FBXO7: variants seen among roughly 807,000 people sequenced by gnomAD.
FBXO7 encodes F-box only protein 7.
Under a neutral mutation model 50.2 loss-of-function variants are expected in FBXO7, and 31 were observed. The observed-to-expected ratio is 0.62, with a 90% CI of 0.46 to 0.83. FBXO7 has a LOEUF of 0.83. Ranked by LOEUF, FBXO7 falls within the 40% of genes least tolerant of loss-of-function variation. The pLI is 0.00. For missense variants in FBXO7, 667 were observed against 646.6 expected (o/e 1.03, Z -0.34); for synonymous variants, 256 against 253.1 (o/e 1.01, Z -0.11).
At chr22:32,484,683 GGGGA>G (rs1031130411) in intron 3 of FBXO7, among the ~76,000 whole-genome samples, 43 of 152,310 alleles carry the variant, frequency 2.8e-4, no homozygotes, top group Admixed American at 2.4e-3. Flanking sequence ...TAGAATGCTA[GGGGA>G]TGAAAGGAAA....
In FBXO7 at chr22:32,498,393, C is replaced by T. The variant is rs2146009439; in HGVS notation, c.1432C>T (p.Leu478=). The change falls in exon 9 of 9, where the codon CTG becomes TTG. Residue 478 remains leucine (L), a synonymous_variant. Coordinates refer to ENST00000266087, the MANE Select transcript of FBXO7 (RefSeq NM_012179.4). ...GGAGACGCCCAGCCAGTTTCCTCCACTGAGACCACGCTTTGATCCAGTTGG... is the reference window on the plus strand; with the variant it reads ...GGAGACGCCCAGCCAGTTTCCTCCATTGAGACCACGCTTTGATCCAGTTGG... The part of the protein sequence containing the change: ...PGETPSQFPP[L]RPRFDPVGPL... 1.2e-6 allele frequency: 2 copies of T among 1,614,224 alleles called. No individual in the cohort carries two copies. The highest frequency in any genetic ancestry group is 2.2e-5 in the South Asian group (2 of 91,088).
intron 7 of FBXO7, 118 bp from the exon 8 acceptor site, chr22:32,495,375 T>TC: frequency 1.6e-6 from 1 of 625,204 alleles, no homozygotes. Flanking sequence ...TTAGTTTTTT[T>TC]TTTTTTTTAT....
rs541127782 is a variant in FBXO7 at position 32,475,563 on chromosome 22, T to C, written c.122+439T>C. ...GTTAATTTCTTCAGCTGTTGGAGTATTTCAATGAAAAAGTTTGGAAATTGC... is the reference window on the plus strand; with the variant it reads ...GTTAATTTCTTCAGCTGTTGGAGTACTTCAATGAAAAAGTTTGGAAATTGC... On this transcript the variant is annotated intron_variant, in intron 1 of 8. Coordinates refer to ENST00000266087, the MANE Select transcript of FBXO7 (RefSeq NM_012179.4). 3.5e-5 allele frequency: 31 copies of C among 891,380 alleles called. No homozygotes were observed. In the East Asian group the frequency reaches 8.0e-4, roughly 23 times the overall value. 55.2% of individuals were successfully genotyped at this position (891,380 alleles called of 1,614,324 possible).
In FBXO7 at chr22:32,475,256, G is replaced by A. The variant is rs183220123; in HGVS notation, c.122+132G>A. ...GCGATAGGCCAAGTGCGGGGACGCC[G>A]GGGGGGCCTTCACGGGAGGCCCGGG... is the stretch of plus-strand genomic sequence containing the variant. On this transcript the variant is annotated intron_variant, in intron 1 of 8. Coordinates refer to ENST00000266087, the MANE Select transcript of FBXO7 (RefSeq NM_012179.4). 4,459 of 1,533,118 alleles carry A rather than the reference G, an allele frequency of 2.9e-3. 88 individuals are homozygous for A. The South Asian group carries it at 0.03, about 10-fold the overall frequency. The allele number at this position is 1,533,118 out of a possible 1,614,324, so 95.0% of individuals were successfully genotyped here.
At chr22:32,477,785 C>A (rs1261378960) in intron 1 of FBXO7, among the ~76,000 whole-genome samples, 1 of 152,192 alleles carries the variant, frequency 6.6e-6, no homozygotes, top group African/African-American at 2.4e-5. Flanking sequence ...TCTTGATCTT[C>A]CCAACTAGTG....
chr22:32,477,937 T>TA (rs2057439368), intron 1 of FBXO7: 1 of 152,132 alleles, frequency 6.6e-6, no homozygotes, highest in African/African-American at 2.4e-5. Flanking sequence ...GACAAGTAAA[T>TA]ACGATGTTTT....
intron 2 of FBXO7, among the ~76,000 whole-genome samples, chr22:32,481,357 G>C (rs2145990690): frequency 6.6e-6 from 1 of 152,286 alleles, no homozygotes; most frequent in Admixed American, 6.5e-5. Flanking sequence ...GGATGACTTA[G>C]TAGGGGCCAT....
chr22:32,487,771 A>G lies in FBXO7; in HGVS notation c.814A>G (p.Arg272Gly). ...TACACTAAAAATCAACAATGAGATT[A>G]GAAGTGTGAAAAGATTGCAGCTGCT... ...NATLKINNEI[R>G]SVKRLQLLPE... The change falls in exon 5 of 9, where the codon AGA becomes GGA. Residue 272 changes from arginine (R) to glycine (G), a missense_variant. Transcript: ENST00000266087. 11 of 1,608,794 alleles carry G rather than the reference A, an allele frequency of 6.8e-6. No individual in the cohort carries two copies. The highest frequency in any genetic ancestry group is 9.4e-6 in the Non-Finnish European group (11 of 1,175,686).
intron 2 of FBXO7, among the ~76,000 whole-genome samples, chr22:32,483,449 G>T (rs543043175): frequency 2.0e-5 from 3 of 152,190 alleles, no homozygotes; most frequent in Non-Finnish European, 4.4e-5. Context: ...GAAAATTCTG[G>T]CAGCAGGGAC....
chr22:32,498,217 C>A lies in FBXO7; in HGVS notation c.1256C>A (p.Thr419Asn). The stretch of plus-strand genomic sequence containing the variant: ...TTTGTGATGCTCCTGCCATCGTCAA[C>A]TCACACCATTCCATTCTATCCCAAC... ...GRFVMLLPSS[T>N]HTIPFYPNPL... The change falls in exon 9 of 9, where the codon ACT (threonine) becomes AAT (asparagine). Residue 419 changes from threonine (T) to asparagine (N), a missense_variant. Transcript: ENST00000266087. 1 of 1,614,210 alleles carries A rather than the reference C, an allele frequency of 6.2e-7. No individual in the cohort carries two copies. Among genetic ancestry groups the A allele is most frequent in the Non-Finnish European group, 8.5e-7 (1 of 1,180,028 alleles).
At chr22:32,497,737 T>G (rs1028966325) in intron 8 of FBXO7, among the ~76,000 whole-genome samples, 1 of 152,220 alleles carries the variant, frequency 6.6e-6, no homozygotes, top group Non-Finnish European at 1.5e-5. Context: ...ACTTCACTGT[T>G]GTATTATTTT....
intron 2 of FBXO7, 91 bp downstream of exon 2, chr22:32,479,366 C>G: frequency 1.8e-6 from 2 of 1,131,252 alleles, no homozygotes; most frequent in Non-Finnish European, 2.7e-6. Flanking sequence ...GGATAATTAT[C>G]ATCGATAGAT....
intron 5 of FBXO7, chr22:32,490,169 A>G (rs1402994297): frequency 6.6e-6 from 1 of 152,220 alleles, no homozygotes; most frequent in Admixed American, 6.5e-5. Context: ...TAAATTGCCT[A>G]CTGATACCCT....
Position 32,475,278 on chromosome 22 carries a change from C to T in FBXO7, c.122+154C>T, listed in dbSNP as rs558997063. 5.0e-6 allele frequency: 8 copies of T among 1,586,276 alleles called. No individual in the cohort carries two copies. In the African/African-American group the frequency reaches 5.5e-5, roughly 11 times the overall value. On this transcript the variant is annotated intron_variant, in intron 1 of 8. Coordinates refer to ENST00000266087, the MANE Select transcript of FBXO7 (RefSeq NM_012179.4). ...GCCGGGGGGGCCTTCACGGGAGGCC[C>T]GGGCTCTTCCGGGCGTCGCGGAGCC...
chr22:32,475,643 T>C, intron 1 of FBXO7: 1 of 516,668 alleles, frequency 1.9e-6, no homozygotes, highest in East Asian at 3.6e-5. Context: ...GTATCGCTGC[T>C]GTGAAGCGGC....
chr22:32,488,223 A>G (rs1490027295), intron 5 of FBXO7: 1 of 170,068 alleles, frequency 5.9e-6, no homozygotes, highest in Non-Finnish European at 1.3e-5. Context: ...TGTCAAGTTC[A>G]TTATTGAAGA....
At chr22:32,477,084 T>G (rs990169115) in intron 1 of FBXO7, among the ~76,000 whole-genome samples, 1 of 152,226 alleles carries the variant, frequency 6.6e-6, no homozygotes, top group Non-Finnish European at 1.5e-5. Context: ...TGGGGTGGTG[T>G]TTTTGTGGGC....
intron 7 of FBXO7, among the ~76,000 whole-genome samples, chr22:32,494,601 A>G (rs2057560366): frequency 6.7e-6 from 1 of 148,504 alleles, no homozygotes; most frequent in Admixed American, 6.6e-5. Flanking sequence ...TTGAAAATAT[A>G]GTAAAAAAAG....
Position 32,495,504 on chromosome 22 carries a change from A to C in FBXO7, c.1156A>C (p.Arg386=). Residue 386 remains arginine, a synonymous_variant, in exon 8 of 9, where the codon AGA becomes CGA. Coordinates refer to ENST00000266087, the MANE Select transcript of FBXO7 (RefSeq NM_012179.4). ...YLRDFRDNTV[R]VQDTDWKELY... is the part of the protein sequence containing the mutation. ...CTTTTCCTTTGTAGACAATACTGTCAGAGTTCAAGACACAGATTGGAAAGA... is the reference window on the plus strand; with the variant it reads ...CTTTTCCTTTGTAGACAATACTGTCCGAGTTCAAGACACAGATTGGAAAGA... 1 of 1,576,020 alleles carries C rather than the reference A, an allele frequency of 6.3e-7. No homozygotes were observed. The highest frequency in any genetic ancestry group is 8.7e-7 in the Non-Finnish European group (1 of 1,148,408).
Sources: gnomAD v4.1 joint callset for allele counts (sites outside exome capture counted in the v4.1 genomes callset) on GRCh38, gnomAD v4.1.1 for gene constraint, MANE v1.5 for transcripts, NCBI Gene and HGNC (gene_info 2026-07-23, HGNC 2026-07-21) for gene names.